The following SH3BGRL2 variants were observed in gnomAD, a reference collection of about 807,000 sequenced individuals.
The protein encoded by SH3BGRL2 is SH3 domain-binding glutamic acid-rich-like protein 2.
SH3BGRL2 carries 21 observed loss-of-function variants against 14.8 expected under a neutral mutation model. The observed-to-expected ratio is 1.42, with a 90% CI of 1.01 to 2.05. The LOEUF is 2.05. Ranked by LOEUF, SH3BGRL2 falls within the 30% of genes most tolerant of loss-of-function variation. The pLI is 0.00. For synonymous variants in SH3BGRL2, 50 were observed against 47.8 expected, an observed-to-expected ratio of 1.05 and a Z score of -0.19; for missense variants, 147 against 130.8, an observed-to-expected ratio of 1.12 and a Z score of -0.61.
At chr6:79,695,630 C>T (rs1770315740) in intron 2 of SH3BGRL2, among the ~76,000 whole-genome samples, 1 of 152,172 alleles carries the variant, frequency 6.6e-6, no homozygotes, top group Non-Finnish European at 1.5e-5. Flanking sequence ...ACTTGAACAA[C>T]ATATTTCTTT....
the SH3BGRL2 span, among the ~76,000 whole-genome samples, chr6:79,567,124 A>C: frequency 3.9e-5 from 6 of 152,016 alleles, no homozygotes; most frequent in Non-Finnish European, 8.8e-5. Flanking sequence ...ATTTTTTAGG[A>C]TTTATGTCAC....
the SH3BGRL2 span, among the ~76,000 whole-genome samples, chr6:79,548,160 C>T: frequency 6.6e-6 from 1 of 152,142 alleles, no homozygotes; most frequent in African/African-American, 2.4e-5. Flanking sequence ...TGAGCCACCA[C>T]TCCCAGCCAT....
intron 3 of SH3BGRL2, among the ~76,000 whole-genome samples, chr6:79,697,815 C>G (rs911711627): frequency 2.0e-5 from 3 of 152,166 alleles, no homozygotes; most frequent in African/African-American, 4.8e-5. Context: ...CTGGAAAAAA[C>G]TAGGATGGAG....
the SH3BGRL2 span, among the ~76,000 whole-genome samples, chr6:79,622,596 A>G: frequency 3.9e-5 from 6 of 152,074 alleles, no homozygotes; most frequent in Admixed American, 2.6e-4. Context: ...GTTTCACCCC[A>G]TCCCCCAACA....
At chr6:79,648,475 C>G (rs1769193121) in intron 1 of SH3BGRL2, among the ~76,000 whole-genome samples, 1 of 151,132 alleles carries the variant, frequency 6.6e-6, no homozygotes, top group Non-Finnish European at 1.5e-5. Context: ...AAGCCAGTGG[C>G]ATTGCTATTT....
chr6:79,573,434 C>G, the SH3BGRL2 span, among the ~76,000 whole-genome samples: 1 of 152,076 alleles, frequency 6.6e-6, no homozygotes, highest in African/African-American at 2.4e-5. Flanking sequence ...TGAGGTCCCA[C>G]TTTGTAGTTT....
chr6:79,696,526 C>CTT lies in SH3BGRL2; in HGVS notation c.276_277dup (p.Ser93PhefsTer4). 6.3e-7 allele frequency: 1 copy of CTT among 1,575,254 alleles called. No individual in the cohort carries two copies. The highest frequency in any genetic ancestry group is 8.6e-7 in the Non-Finnish European group (1 of 1,169,192). On this transcript the variant is annotated frameshift_variant, in exon 3 of 4. Transcript: ENST00000369838. LOFTEE classifies it high-confidence loss of function. ...TTGAATCCAAGGAAAGCAACACAGT[C>CTT]TTTTCATTTTTAGGCCTGAAACCAC...
At chr6:79,610,327 G>A in the SH3BGRL2 span, among the ~76,000 whole-genome samples, 3 of 152,206 alleles carry the variant, frequency 2.0e-5, no homozygotes, top group Non-Finnish European at 1.5e-5. Context: ...GGAATTATGT[G>A]CCATTGTTTA....
At chr6:79,553,731 G>A in the SH3BGRL2 span, among the ~76,000 whole-genome samples, 1 of 152,072 alleles carries the variant, frequency 6.6e-6, no homozygotes, top group Non-Finnish European at 1.5e-5. Context: ...TAGCACTTGG[G>A]GAGGCTAAGG....
the SH3BGRL2 span, among the ~76,000 whole-genome samples, chr6:79,565,813 C>T: frequency 3.9e-5 from 6 of 152,210 alleles, no homozygotes; most frequent in African/African-American, 1.4e-4. Context: ...TACTTCTCCT[C>T]TCTAAACTTC....
At chr6:79,584,249 C>T in the SH3BGRL2 span, among the ~76,000 whole-genome samples, 3 of 152,136 alleles carry the variant, frequency 2.0e-5, no homozygotes, top group Non-Finnish European at 4.4e-5. Flanking sequence ...TCAAAGCTCA[C>T]ATGAGACGCC....
chr6:79,568,893 A>AT, the SH3BGRL2 span, among the ~76,000 whole-genome samples: 1 of 152,074 alleles, frequency 6.6e-6, no homozygotes, highest in African/African-American at 2.4e-5. Context: ...TTAAAAATGA[A>AT]TTTTTTTGTT....
At chr6:79,695,110 C>A (rs1770305023) in intron 2 of SH3BGRL2, among the ~76,000 whole-genome samples, 1 of 152,192 alleles carries the variant, frequency 6.6e-6, no homozygotes. Context: ...GCTCCCTGCC[C>A]AAGAATGCTC....
chr6:79,579,187 A>G, the SH3BGRL2 span, among the ~76,000 whole-genome samples: 6 of 152,226 alleles, frequency 3.9e-5, no homozygotes, highest in African/African-American at 1.4e-4. Flanking sequence ...TGTATCTGAA[A>G]GTGATGGGGA....
the SH3BGRL2 span, among the ~76,000 whole-genome samples, chr6:79,564,059 CA>C: frequency 6.6e-6 from 1 of 151,940 alleles, no homozygotes; most frequent in Non-Finnish European, 1.5e-5. Flanking sequence ...GAGGCTGGAA[CA>C]GAAGTAAGTA....
intron 1 of SH3BGRL2, among the ~76,000 whole-genome samples, chr6:79,663,890 C>T (rs1769604957): frequency 6.6e-6 from 1 of 152,214 alleles, no homozygotes; most frequent in Non-Finnish European, 1.5e-5. Context: ...GCCCCTCCCC[C>T]AGCCAGGCTG....
the SH3BGRL2 span, among the ~76,000 whole-genome samples, chr6:79,601,098 A>G: frequency 1.3e-5 from 2 of 152,342 alleles, no homozygotes; most frequent in East Asian, 1.9e-4. Context: ...CTGTTTACCT[A>G]AAGTGATTAA....
At chr6:79,595,909 G>T in the SH3BGRL2 span, among the ~76,000 whole-genome samples, 50 of 152,286 alleles carry the variant, frequency 3.3e-4, no homozygotes, top group African/African-American at 1.1e-3. Flanking sequence ...ACATAATCTT[G>T]TATTTAGAAA....
intron 1 of SH3BGRL2, among the ~76,000 whole-genome samples, chr6:79,659,667 T>C (rs1295271000): frequency 6.6e-6 from 1 of 152,216 alleles, no homozygotes; most frequent in East Asian, 1.9e-4. Flanking sequence ...TTTTTCCAAT[T>C]CTGTGAAGAA....
Sources: gnomAD v4.1 joint callset for allele counts (sites outside exome capture counted in the v4.1 genomes callset) on GRCh38, gnomAD v4.1.1 for gene constraint, MANE v1.5 for transcripts, NCBI Gene and HGNC (gene_info 2026-07-23, HGNC 2026-07-21) for gene names.